LITAF: variants seen among roughly 807,000 people sequenced by gnomAD.
The protein encoded by LITAF is lipopolysaccharide-induced tumor necrosis factor-alpha factor.
A neutral mutation model predicts 14.5 loss-of-function variants in LITAF; 9 were observed. The observed-to-expected ratio is 0.62, with a 90% CI of 0.37 to 1.08. LITAF has a LOEUF of 1.08. Among genes scored for constraint, LITAF ranks in the 50% least tolerant of loss-of-function variants. The probability of loss-of-function intolerance (pLI) is 0.01; values close to 1 mark genes in which losing one functional copy is unlikely to be tolerated. For missense variants in LITAF, 206 were observed against 213.4 expected (o/e 0.97, Z 0.22); for synonymous variants, 98 against 88.2 (o/e 1.11, Z -0.62).
intron 3 of LITAF, among the ~76,000 whole-genome samples, chr16:11,633,238 C>T (rs2141910194): frequency 6.6e-6 from 1 of 152,326 alleles, no homozygotes; most frequent in South Asian, 2.1e-4. Context: ...CTGAGTATTG[C>T]CTTGGAGCAA....
intron 1 of LITAF, among the ~76,000 whole-genome samples, chr16:11,593,238 C>T (rs2064858889): frequency 6.6e-6 from 1 of 151,302 alleles, no homozygotes; most frequent in Non-Finnish European, 1.5e-5. Context: ...TGCCTGTAAA[C>T]CCAACTACTC....
chr16:11,567,076 A>G (rs905484550), intron 1 of LITAF, among the ~76,000 whole-genome samples: 1 of 152,042 alleles, frequency 6.6e-6, no homozygotes, highest in Non-Finnish European at 1.5e-5. Context: ...TTGTTTCTCA[A>G]CAGGGCACCC....
intron 3 of LITAF, among the ~76,000 whole-genome samples, chr16:11,626,122 A>G (rs2065082281): frequency 6.6e-6 from 1 of 152,188 alleles, no homozygotes; most frequent in Non-Finnish European, 1.5e-5. Flanking sequence ...AATGGTATGA[A>G]TTAGTTCCCC....
chr16:11,603,183 G>A (rs1458422634), upstream of LITAF, among the ~76,000 whole-genome samples: 1 of 152,210 alleles, frequency 6.6e-6, no homozygotes, highest in Non-Finnish European at 1.5e-5. Context: ...GGAGGGGGTT[G>A]CAGGCAGGAG....
chr16:11,627,054 G>A (rs1315627384), intron 3 of LITAF, among the ~76,000 whole-genome samples: 2 of 152,110 alleles, frequency 1.3e-5, no homozygotes, highest in South Asian at 2.1e-4. Context: ...GAACCCGGGT[G>A]TGGACGGCCT....
intron 1 of LITAF, among the ~76,000 whole-genome samples, chr16:11,597,403 C>T (rs1381873414): frequency 6.6e-6 from 1 of 152,036 alleles, no homozygotes; most frequent in Non-Finnish European, 1.5e-5. Flanking sequence ...GAATTATAGT[C>T]GCCTAACAAA....
chr16:11,623,673 G>A (rs1182336604), intron 3 of LITAF, among the ~76,000 whole-genome samples: 1 of 147,724 alleles, frequency 6.8e-6, no homozygotes, highest in Non-Finnish European at 1.5e-5. Context: ...AAAAAAAAAG[G>A]ATCTCTCTCT....
At chr16:11,567,790 G>A (rs766660711) in intron 1 of LITAF, among the ~76,000 whole-genome samples, 6 of 152,114 alleles carry the variant, frequency 3.9e-5, no homozygotes, top group Non-Finnish European at 8.8e-5. Flanking sequence ...TTCAAGACCA[G>A]CCTAGCCAAC....
chr16:11,568,328 C>A (rs1459256302), intron 1 of LITAF, among the ~76,000 whole-genome samples: 2 of 151,834 alleles, frequency 1.3e-5, no homozygotes, highest in East Asian at 1.9e-4. Context: ...TAGTTCTTAC[C>A]ACTGTATTAT....
chr16:11,558,557 A>G lies in LITAF; in HGVS notation c.-5-1822T>C, dbSNP rs1203075849. 2.6e-5 allele frequency among the ~76,000 whole-genome samples: 4 copies of G among 152,192 alleles called. No individual in the cohort carries two copies. In the East Asian group the frequency reaches 7.7e-4, roughly 29 times the overall value. On this transcript the variant is annotated intron_variant, in intron 1 of 3. Coordinates refer to ENST00000622633, the MANE Select transcript of LITAF (RefSeq NM_001136472.2). This position sits in a 1 kb window ranked among gnomAD's most constrained non-coding sequence, Gnocchi z 4.1. ...ACCCTGTCTCTACAACGAATAAAAA[A>G]AGTAGCCAGGTGTAGTGGCACACAC...
In LITAF at chr16:11,610,606, C is replaced by A. The variant is rs373569246; in HGVS notation, c.85+22927G>T. On this transcript the variant is annotated intron_variant, in intron 3 of 3. Coordinates refer to the LITAF transcript ENST00000574848. ...TCAGGTTTTCCCCCGAGCAAGGGAA[C>A]AATGGGATGGAGCCCAACTTGAGCA... 8.6e-4 allele frequency among the ~76,000 whole-genome samples: 131 copies of A among 152,236 alleles called. 1 individual carries two copies. The highest frequency in any genetic ancestry group is 3.0e-3 in the African/African-American group (126 of 41,546).
chr16:11,581,274 G>C (rs141772040), intron 1 of LITAF, among the ~76,000 whole-genome samples: 1 of 152,282 alleles, frequency 6.6e-6, no homozygotes, highest in African/African-American at 2.4e-5. Flanking sequence ...CCCCTACATA[G>C]GCCAAGAGTA....
intron 1 of LITAF, among the ~76,000 whole-genome samples, chr16:11,585,390 TC>T (rs2064791708): frequency 3.3e-5 from 5 of 152,176 alleles, no homozygotes; most frequent in Non-Finnish European, 7.3e-5. Context: ...TGGGCCTCCC[TC>T]ATGGTAGATT....
upstream of LITAF, among the ~76,000 whole-genome samples, chr16:11,602,760 C>CAAAA (rs35880448): frequency 8.8e-5 from 10 of 114,216 alleles, no homozygotes; most frequent in Non-Finnish European, 1.2e-4. Flanking sequence ...TGGCTTGTTG[C>CAAAA]AAAAAAAAAA....
At chr16:11,612,872 G>A (rs1026398522) in intron 3 of LITAF, among the ~76,000 whole-genome samples, 3 of 152,172 alleles carry the variant, frequency 2.0e-5, no homozygotes, top group African/African-American at 4.8e-5. Context: ...GGACTCCCAT[G>A]GCTCCTGAAG....
chr16:11,613,400 C>T (rs2064995307), intron 3 of LITAF, among the ~76,000 whole-genome samples: 1 of 152,206 alleles, frequency 6.6e-6, no homozygotes, highest in South Asian at 2.1e-4. Context: ...AGCCAGCTGC[C>T]AGGTCCCAGG....
chr16:11,569,839 C>T lies in LITAF; in HGVS notation c.-5-13104G>A, dbSNP rs1163325271. Among the ~76,000 whole-genome samples, 3 of 152,100 alleles carry T rather than the reference C, an allele frequency of 2.0e-5. No individual in the cohort carries two copies. The East Asian group carries it at 5.8e-4, about 29-fold the overall frequency. On this transcript the variant is annotated intron_variant, in intron 1 of 3. Transcript: ENST00000622633. Reference sequence around the variant, plus strand: ...CTTGAGGTCAGAAGTTCAAGACCAGCCTGGCCAACATGGCAAAACTCTTGT... The same window carrying T: ...CTTGAGGTCAGAAGTTCAAGACCAGTCTGGCCAACATGGCAAAACTCTTGT...
Position 11,584,304 on chromosome 16 carries a change from C to G in LITAF, c.-6+2582G>C, listed in dbSNP as rs1482617899. On this transcript the variant is annotated intron_variant, in intron 1 of 3. Coordinates refer to ENST00000622633, the MANE Select transcript of LITAF (RefSeq NM_001136472.2). Reference sequence around the variant, plus strand: ...CTTCCTCTTGCAGATCCTCTTTTTTCCACCCTCACTGTAGCTCTGGGGAAA... The same window carrying G: ...CTTCCTCTTGCAGATCCTCTTTTTTGCACCCTCACTGTAGCTCTGGGGAAA... 2.0e-5 allele frequency: 3 copies of G among 152,044 alleles called. No individual in the cohort carries two copies. In the East Asian group the frequency reaches 5.8e-4, roughly 29 times the overall value. 9.4% of individuals were successfully genotyped at this position (152,044 alleles called of 1,614,324 possible).
At chr16:11,569,194 A>C (rs563562546) in intron 1 of LITAF, among the ~76,000 whole-genome samples, 20 of 152,308 alleles carry the variant, frequency 1.3e-4, no homozygotes, top group South Asian at 6.2e-4. Flanking sequence ...AACTGAGGCC[A>C]CTAAGCTCAG....
Sources: gnomAD v4.1 joint callset for allele counts (sites outside exome capture counted in the v4.1 genomes callset) on GRCh38, gnomAD v4.1.1 for gene constraint, Gnocchi (gnomAD v3.1) non-coding constraint, MANE v1.5 for transcripts, NCBI Gene and HGNC (gene_info 2026-07-23, HGNC 2026-07-21) for gene names.